Variants in AAAS observed in about 807,000 individuals in gnomAD.
AAAS encodes the protein aladin.
AAAS carries 60 observed loss-of-function variants against 75.6 expected under a neutral mutation model. That is an observed-to-expected ratio of 0.79 (90% CI 0.64 to 0.98). The LOEUF (loss-of-function observed/expected upper bound fraction) is 0.98. AAAS is among the 50% of genes least tolerant of loss of function. The probability of loss-of-function intolerance (pLI) is 0.00; values close to 1 mark genes in which losing one functional copy is unlikely to be tolerated. For missense variants in AAAS, 658 were observed against 686.9 expected (o/e 0.96, Z 0.47); for synonymous variants, 271 against 265.0 (o/e 1.02, Z -0.22).
chr12:53,314,416 G>A lies in AAAS; in HGVS notation c.571C>T (p.Arg191Trp), dbSNP rs145235560. ...SSTIVPSLKH[R>W]LQRNVASLAW... is the part of the protein sequence containing the mutation. ...AGAGACGCCACATTTCGCTGCAGCC[G>A]GTGCTTCAGGGAGGGGACTATGGTG... Residue 191 changes from arginine (R) to tryptophan (W), a missense_variant, in exon 7 of 16, where the codon CGG (arginine) becomes TGG (tryptophan). By Grantham distance (101) the Arg-to-Trp change is moderately radical. Coordinates refer to ENST00000209873, the MANE Select transcript of AAAS (RefSeq NM_015665.6). The A allele has an allele frequency of 3.0e-5, 48 of 1,614,096 alleles. No homozygotes were observed. Among genetic ancestry groups the A allele is most frequent in the African/African-American group, 2.7e-4 (20 of 75,032 alleles).
intron 5 of AAAS, 89 bp from the exon 6 acceptor site, chr12:53,314,938 T>C (rs1217076182): frequency 6.7e-7 from 1 of 1,493,668 alleles, no homozygotes; most frequent in East Asian, 2.3e-5. Context: ...GACATGGTTT[T>C]TTCCTACTTT....
intron 3 of AAAS, 103 bp from the exon 4 acceptor site, chr12:53,315,529 C>G: frequency 8.0e-7 from 1 of 1,245,792 alleles, no homozygotes; most frequent in East Asian, 2.5e-5. Context: ...CCAGGTCCTT[C>G]TGCCCAGTAA....
intron 7 of AAAS, 73 bp downstream of exon 7, chr12:53,314,225 A>T (rs1944430829): frequency 1.9e-6 from 3 of 1,599,184 alleles, no homozygotes; most frequent in Non-Finnish European, 2.6e-6. Flanking sequence ...CTCCTTTCAG[A>T]CGTCCTCACC....
rs1944356336 is a variant in AAAS at position 53,309,694 on chromosome 12, C to T, written c.717G>A (p.Leu239=). ...TAACAGGTGTATGCCCAGGGTGAGA[C>T]AGCACTTGGGCACAGCCAGAAGAGG... The part of the protein sequence containing the change: ...TRPSSGCAQV[L]SHPGHTPVTS... Residue 239 remains leucine, a synonymous_variant, in exon 8 of 16, where the codon CTG becomes CTA. Transcript: ENST00000209873. 5 of 1,613,218 alleles carry T rather than the reference C, an allele frequency of 3.1e-6. No homozygotes were observed. The highest frequency in any genetic ancestry group is 1.6e-4 in the Middle Eastern group (1 of 6,082).
chr12:53,317,221 G>A (rs914127953), intron 2 of AAAS, among the ~76,000 whole-genome samples: 2 of 151,166 alleles, frequency 1.3e-5, no homozygotes, highest in Admixed American at 6.6e-5. Flanking sequence ...TCAGGAGTTC[G>A]AGACCAGCCT....
In AAAS at chr12:53,307,471, A is replaced by G. The variant is rs748543415; in HGVS notation, c.*18T>C. 1 of 1,602,286 alleles carries G rather than the reference A, an allele frequency of 6.2e-7. No homozygotes were observed. The highest frequency in any genetic ancestry group is 8.5e-7 in the Non-Finnish European group (1 of 1,171,888). ...GACTGGTAACTGAGTGGAAAACAAA[A>G]GGAAAACTTATTTATTCTTAGAGGT... On this transcript the variant is annotated 3_prime_UTR_variant, in exon 16 of 16. Transcript: ENST00000209873.
At position 53,307,864 on chromosome 12, in the gene AAAS, T is replaced by C. The variant is rs1202778252; in HGVS notation, c.1397A>G (p.Lys466Arg). 3.7e-6 allele frequency: 6 copies of C among 1,613,842 alleles called. No homozygotes were observed. The highest frequency in any genetic ancestry group is 1.3e-5 in the African/African-American group (1 of 74,890). The change falls in exon 15 of 16, where the codon AAA becomes AGA. Residue 466 changes from lysine to arginine, a missense_variant. Coordinates refer to ENST00000209873, the MANE Select transcript of AAAS (RefSeq NM_015665.6). ...QLITFHPSFN[K>R]GALLSVGWST... ...ACTCACCACACTGAGCAGGGCCCCT[T>C]TGTTGAAGGAAGGATGGAAAGTGAT...
At chr12:53,308,187 G>C in intron 13 of AAAS, 54 bp from the exon 14 acceptor site, 5 of 1,611,306 alleles carry the variant, frequency 3.1e-6, no homozygotes, top group Middle Eastern at 3.3e-4. Flanking sequence ...AGAGTCCCAG[G>C]ACATGGGCAG....
At position 53,308,780 on chromosome 12, in the gene AAAS, C is replaced by G. The variant is rs1944337279; in HGVS notation, c.1032G>C (p.Leu344=). The change falls in exon 11 of 16, where the codon CTG becomes CTC. Residue 344 remains leucine, a synonymous_variant. Transcript: ENST00000209873. ...GCWSPDGSRL[L]FTVLGEPLIY... ...TCAGTGGCTCTCCCAATACAGTGAA[C>G]AGCAGTCGGCTGCCATCTGGGCTCC... 3 of 1,614,004 alleles carry G rather than the reference C, an allele frequency of 1.9e-6. No homozygotes were observed. The highest frequency in any genetic ancestry group is 2.5e-6 in the Non-Finnish European group (3 of 1,180,056).
rs776947750 is a variant in AAAS, at chr12:53,309,621, G to T, written c.790C>A (p.Pro264Thr). The T allele has an allele frequency of 6.2e-7, 1 of 1,613,686 alleles. No individual in the cohort carries two copies. Among genetic ancestry groups the T allele is most frequent in the South Asian group, 1.1e-5 (1 of 90,908 alleles). Residue 264 changes from proline to threonine, a missense_variant, in exon 8 of 16, where the codon CCC becomes ACC. Pro to Thr is a conservative substitution (Grantham distance 38). Transcript: ENST00000209873. ...CTCACCCGGATAGCAGCATCCACGG[G>T]TGAAGCTGAGAGCAGCCGCCCCCCA... ...PSGGRLLSASPVDAAIRVWDV... is the reference protein window; with the variant it reads ...PSGGRLLSASTVDAAIRVWDV...
In AAAS at chr12:53,314,861, G is replaced by T. The variant is rs771122055; in HGVS notation, c.447-12C>A. 1 of 1,610,832 alleles carries T rather than the reference G, an allele frequency of 6.2e-7. No individual in the cohort carries two copies. Among genetic ancestry groups the T allele is most frequent in the South Asian group, 1.1e-5 (1 of 90,622 alleles). On this transcript the variant is annotated splice_polypyrimidine_tract_variant and intron_variant, in intron 5 of 15. Coordinates refer to ENST00000209873, the MANE Select transcript of AAAS (RefSeq NM_015665.6). The stretch of plus-strand genomic sequence containing the variant: ...AGCAGCAGCTGGACCTAAGGAAGGG[G>T]TTAACATGAAGAGTTCCTGCACCTA...
Position 53,321,403 on chromosome 12 carries a change from G to A in AAAS, c.63C>T (p.His21=), listed in dbSNP as rs200408293. 8 of 1,614,226 alleles carry A rather than the reference G, an allele frequency of 5.0e-6. No homozygotes were observed. The South Asian group carries it at 8.8e-5, about 18-fold the overall frequency. ...TACTGCCCGTCACCAGCTCGTTATT[G>A]TGCTCATATAGGGTGACTTGACCCC... is the stretch of plus-strand genomic sequence containing the variant. The part of the protein sequence containing the change: ...PPRGQVTLYE[H]NNELVTGSSY... Residue 21 remains histidine (H), a synonymous_variant, in exon 1 of 16, where the codon CAC becomes CAT. Transcript: ENST00000209873.
intron 2 of AAAS, among the ~76,000 whole-genome samples, chr12:53,320,094 G>A (rs1178480917): frequency 1.3e-5 from 2 of 151,978 alleles, no homozygotes; most frequent in Admixed American, 6.6e-5. Context: ...CTCCAGCCTG[G>A]GCAACAAGAG....
intron 15 of AAAS, 37 bp from the exon 16 acceptor site, chr12:53,307,750 C>T (rs370929275): frequency 3.7e-6 from 6 of 1,613,602 alleles, no homozygotes. Flanking sequence ...AGAGTCTGGG[C>T]CCAAAGAAGG....
intron 8 of AAAS, 36 bp from the exon 9 acceptor site, chr12:53,309,317 A>G: frequency 6.2e-7 from 1 of 1,612,038 alleles, no homozygotes; most frequent in South Asian, 1.1e-5. Flanking sequence ...GGAAAACTCA[A>G]GCACCCCATC....
chr12:53,320,596 C>T lies in AAAS; in HGVS notation c.220G>A (p.Glu74Lys). 1.2e-6 allele frequency: 2 copies of T among 1,614,012 alleles called. No homozygotes were observed. Among genetic ancestry groups the T allele is most frequent in the Non-Finnish European group, 1.7e-6 (2 of 1,179,978 alleles). Residue 74 changes from glutamate (E) to lysine (K), a missense_variant, in exon 2 of 16, where the codon GAG (glutamate) becomes AAG (lysine). Transcript: ENST00000209873. The part of the protein sequence containing the change: ...GTRTAFIHHR[E>K]QVWKRCINIW... ...TTGATGCATCTCTTCCACACTTGCT[C>T]CCGGTGATGGATGAAGGCAGTTCTT... is the stretch of plus-strand genomic sequence containing the variant.
chr12:53,311,643 A>G (rs1359632451), intron 7 of AAAS, among the ~76,000 whole-genome samples: 2 of 152,034 alleles, frequency 1.3e-5, no homozygotes. Flanking sequence ...GGCCAGTTGC[A>G]GCGGCTCATG....
At chr12:53,309,066 A>G (rs1944344051) in intron 9 of AAAS, 46 bp from the exon 10 acceptor site, 6 of 1,614,186 alleles carry the variant, frequency 3.7e-6, no homozygotes, top group Non-Finnish European at 1.7e-6. Context: ...TCTAAGTTCT[A>G]AAAGTTGGAC....
In AAAS at chr12:53,315,829, T is replaced by C. The variant is rs182220905; in HGVS notation, c.252-47A>G. ...GGTCAGCTTACTCTGATCCCCTCTG[T>C]CCCTCTCTACCAGTTTCATTCATTC... is the stretch of plus-strand genomic sequence containing the variant. On this transcript the variant is annotated intron_variant, in intron 2 of 15. Transcript: ENST00000209873. The C allele has an allele frequency of 2.3e-5, 37 of 1,595,664 alleles. No individual in the cohort carries two copies. In the Admixed American group the frequency reaches 6.3e-4, roughly 27 times the overall value.
Sources: gnomAD v4.1 joint callset for allele counts (sites outside exome capture counted in the v4.1 genomes callset) on GRCh38, gnomAD v4.1.1 for gene constraint, MANE v1.5 for transcripts, NCBI Gene and HGNC (gene_info 2026-07-23, HGNC 2026-07-21) for gene names.